ERMAP: variants seen among roughly 807,000 people sequenced by gnomAD.
ERMAP encodes the protein erythroblast membrane associated protein (Scianna blood group), also known as erythroid membrane-associated protein.
In ERMAP, 34 loss-of-function variants were observed where a neutral mutation model predicts 49.5. The observed-to-expected ratio is 0.69, with a 90% CI of 0.52 to 0.91. The LOEUF (loss-of-function observed/expected upper bound fraction) is 0.91. ERMAP is among the 40% of genes least tolerant of loss of function. ERMAP has a pLI of 0.00. For missense variants in ERMAP, 541 were observed against 582.6 expected (o/e 0.93, Z 0.74); for synonymous variants, 214 against 232.2 (o/e 0.92, Z 0.71).
intron 1 of ERMAP, 29 bp downstream of exon 1, chr1:42,817,282 A>C (rs989877919): frequency 2.1e-5 from 26 of 1,221,462 alleles, no homozygotes; most frequent in Non-Finnish European, 2.7e-5. Context: ...CGACCACTGG[A>C]CCCAGCGCTG....
chr1:42,839,095 T>C, intron 8 of ERMAP, 174 bp downstream of exon 8: 1 of 879,776 alleles, frequency 1.1e-6, no homozygotes, highest in East Asian at 2.5e-5. Context: ...TATTCTCTGC[T>C]CCTCTTTCCT....
chr1:42,817,252 G>C lies in ERMAP; in HGVS notation c.-123G>C, dbSNP rs1276401490. On this transcript the variant is annotated splice_region_variant and 5_prime_UTR_variant, in exon 1 of 12. Coordinates refer to ENST00000372517, the MANE Select transcript of ERMAP (RefSeq NM_001017922.2). Reference sequence around the variant, plus strand: ...CGAGTCGCAGACAACGCCTCCGGGAGGGTAATCCTCGCCTTCCCCCGACCA... The same window carrying C: ...CGAGTCGCAGACAACGCCTCCGGGACGGTAATCCTCGCCTTCCCCCGACCA... 3.8e-5 allele frequency: 47 copies of C among 1,252,252 alleles called. No homozygotes were observed. The highest frequency in any genetic ancestry group is 4.6e-5 in the Non-Finnish European group (45 of 971,890). The allele number at this position is 1,252,252 out of a possible 1,614,324, so 77.6% of individuals were successfully genotyped here.
chr1:42,820,221 TTG>T (rs1329829735), intron 1 of ERMAP, among the ~76,000 whole-genome samples: 2 of 152,214 alleles, frequency 1.3e-5, no homozygotes, highest in African/African-American at 4.8e-5. Context: ...ATTTGTTAAT[TTG>T]TTTAGGATAT....
intron 1 of ERMAP, 123 bp downstream of exon 1, chr1:42,817,376 A>G (rs1476305317): frequency 7.2e-6 from 4 of 556,430 alleles, no homozygotes; most frequent in Non-Finnish European, 4.8e-6. Context: ...TTCCGCCCGC[A>G]GGAGCGGCCG....
At position 42,844,091 on chromosome 1, in the gene ERMAP, C is replaced by T. The variant is rs982115146; in HGVS notation, c.*859C>T. ...ACCCTTTCTGAGATTCAGAGAGGTC[C>T]AGCTAGAAAAAGTGGCAGTTTTAAC... On this transcript the variant is annotated 3_prime_UTR_variant, in exon 12 of 12. Coordinates refer to ENST00000372517, the MANE Select transcript of ERMAP (RefSeq NM_001017922.2). This position sits in a 1 kb window ranked among gnomAD's most constrained non-coding sequence, Gnocchi z 4.0. 4.3e-5 allele frequency: 17 copies of T among 398,472 alleles called. No individual in the cohort carries two copies. Among genetic ancestry groups the T allele is most frequent in the African/African-American group, 3.5e-4 (17 of 48,606 alleles). The allele number at this position is 398,472 out of a possible 1,614,324, so 24.7% of individuals were successfully genotyped here. A position where few individuals can be genotyped will look rare whatever the true frequency, so the allele number is the denominator to read the frequency against.
intron 11 of ERMAP, 44 bp downstream of exon 11, chr1:42,840,340 C>T (rs1557613940): frequency 6.2e-7 from 1 of 1,611,898 alleles, no homozygotes; most frequent in Non-Finnish European, 8.5e-7. Flanking sequence ...AGAGCACTTC[C>T]TCCTTATGGC....
At position 42,844,131 on chromosome 1, in the gene ERMAP, C is replaced by CT. The variant is rs951190010; in HGVS notation, c.*907dup. ...GCAGTTTTAACCACCAACGTAGAAG[C>CT]TTTTTTTTCCCCACAAGACCATTGT... is the stretch of plus-strand genomic sequence containing the variant. On this transcript the variant is annotated 3_prime_UTR_variant, in exon 12 of 12. Transcript: ENST00000372517. This position sits in a 1 kb window ranked among gnomAD's most constrained non-coding sequence, Gnocchi z 4.0. 6 of 398,298 alleles carry CT rather than the reference C, an allele frequency of 1.5e-5. No individual in the cohort carries two copies. The highest frequency in any genetic ancestry group is 2.2e-5 in the Non-Finnish European group (5 of 226,012). 24.7% of individuals were successfully genotyped at this position (398,298 alleles called of 1,614,324 possible).
chr1:42,828,883 C>T (rs1308973595), intron 2 of ERMAP, among the ~76,000 whole-genome samples: 1 of 152,128 alleles, frequency 6.6e-6, no homozygotes. Context: ...TGATTTCAGG[C>T]AGCCTTGGGT....
intron 5 of ERMAP, 140 bp from the exon 6 acceptor site, chr1:42,835,592 C>T (rs1654870954): frequency 4.5e-6 from 5 of 1,122,248 alleles, no homozygotes; most frequent in Non-Finnish European, 6.4e-6. Context: ...TTTGAAGACT[C>T]TCTAATCCTT....
At chr1:42,820,466 C>T (rs1004027005) in intron 1 of ERMAP, among the ~76,000 whole-genome samples, 1 of 151,298 alleles carries the variant, frequency 6.6e-6, no homozygotes, top group Non-Finnish European at 1.5e-5. Context: ...TTCAAGTGAT[C>T]CTCCTGCCTC....
chr1:42,824,994 T>C (rs1654503146), intron 1 of ERMAP, among the ~76,000 whole-genome samples: 1 of 152,218 alleles, frequency 6.6e-6, no homozygotes, highest in African/African-American at 2.4e-5. Context: ...AGATGTCTGC[T>C]AGACTCAGAA....
At chr1:42,838,176 T>C (rs924418523) in intron 7 of ERMAP, among the ~76,000 whole-genome samples, 8 of 152,204 alleles carry the variant, frequency 5.3e-5, no homozygotes, top group African/African-American at 1.9e-4. Flanking sequence ...CAGCAGACAG[T>C]AAATGGAAGC....
chr1:42,840,496 T>C (rs1452205660), intron 11 of ERMAP, among the ~76,000 whole-genome samples, 200 bp downstream of exon 11: 1 of 152,194 alleles, frequency 6.6e-6, no homozygotes, highest in East Asian at 1.9e-4. Context: ...GTATCCCCTC[T>C]TTTAGAGCAC....
intron 8 of ERMAP, chr1:42,839,647 A>G: frequency 3.9e-6 from 1 of 256,162 alleles, no homozygotes; most frequent in Middle Eastern, 1.4e-3. Context: ...GACATGTGAC[A>G]TATCTATGCA....
At position 42,819,170 on chromosome 1, in the gene ERMAP, CGT is replaced by C. The variant is rs145113385; in HGVS notation, c.-122+1953_-122+1954del. ...GGTGAGGAAGAGGATAAGTTAGGAG[CGT>C]GTGTGTGTGTGTGTGTGTGTGTGTG... On this transcript the variant is annotated intron_variant, in intron 1 of 11. Coordinates refer to ENST00000372517, the MANE Select transcript of ERMAP (RefSeq NM_001017922.2). The surrounding 1 kb of genome is among the most constrained non-coding windows in gnomAD (Gnocchi z 5.1). Among the ~76,000 whole-genome samples, 5,863 of 142,500 alleles carry C rather than the reference CGT, an allele frequency of 0.041. 287 individuals carry two copies. The highest frequency in any genetic ancestry group is 0.11 in the African/African-American group (4,440 of 38,692). The allele number at this position is 142,500 out of a possible 152,430, so 93.5% of individuals were successfully genotyped here.
At chr1:42,837,277 CTATTTT>C in intron 7 of ERMAP, 87 bp downstream of exon 7, 2 of 1,396,512 alleles carry the variant, frequency 1.4e-6, no homozygotes, top group Non-Finnish European at 2.0e-6. Context: ...TATTATAAGT[CTATTTT>C]TATAATACTG....
At chr1:42,820,075 G>C (rs191364694) in intron 1 of ERMAP, among the ~76,000 whole-genome samples, 6 of 152,278 alleles carry the variant, frequency 3.9e-5, no homozygotes, top group African/African-American at 1.4e-4. Context: ...TTGAGTGACA[G>C]ATTTCCACAT....
rs957945081 is a variant in ERMAP, at chr1:42,817,385, C to G, written c.-122+132C>G. ...GGAGGCTTCCGCCCGCAGGAGCGGC[C>G]GCGCGTGCGCAGAGAGGATGGCTGG... On this transcript the variant is annotated intron_variant, in intron 1 of 11. Coordinates refer to ENST00000372517, the MANE Select transcript of ERMAP (RefSeq NM_001017922.2). 17 of 473,980 alleles carry G rather than the reference C, an allele frequency of 3.6e-5. No homozygotes were observed. In the East Asian group the frequency reaches 2.3e-3, roughly 64 times the overall value. The allele number at this position is 473,980 out of a possible 1,614,324, so 29.4% of individuals were successfully genotyped here.
At chr1:42,835,916 T>C in intron 6 of ERMAP, 152 bp downstream of exon 6, 4 of 1,319,732 alleles carry the variant, frequency 3.0e-6, no homozygotes, top group Non-Finnish European at 4.0e-6. Flanking sequence ...TTGCTTCCAG[T>C]TTTTACTGCC....
Sources: allele counts gnomAD v4.1 joint callset (sites outside exome capture counted in the v4.1 genomes callset), GRCh38; gene constraint gnomAD v4.1.1; non-coding constraint Gnocchi (gnomAD v3.1); transcripts MANE v1.5; gene names NCBI Gene and HGNC (gene_info 2026-07-23, HGNC 2026-07-21).